PARD3B: variants seen among roughly 807,000 people sequenced by gnomAD.
PARD3B encodes the protein partitioning defective 3 homolog B.
In PARD3B, 103 loss-of-function variants were observed where a neutral mutation model predicts 130.2. The ratio of observed to expected loss-of-function variants is 0.79; its 90% CI spans 0.67 to 0.93. The LOEUF is 0.93. PARD3B is among the 40% of genes least tolerant of loss of function. The pLI is 0.00. For synonymous variants in PARD3B, 583 were observed against 553.2 expected (o/e 1.05, Z -0.76); for missense variants, 1,609 against 1,499.2 (o/e 1.07, Z -1.21).
intron 2 of PARD3B, among the ~76,000 whole-genome samples, chr2:204,900,037 C>G (rs2046801396): frequency 6.6e-6 from 1 of 151,940 alleles, no homozygotes; most frequent in Admixed American, 6.6e-5. Context: ...TTTGGGATCC[C>G]CTCTTTATCC....
Position 205,121,569 on chromosome 2 carries a change from C to T in PARD3B, c.807-22C>T. 6.2e-7 allele frequency: 1 copy of T among 1,600,392 alleles called. No individual in the cohort carries two copies. The highest frequency in any genetic ancestry group is 8.6e-7 in the Non-Finnish European group (1 of 1,169,522). ...TGCACCTCAAAGCAGGGTCATCATACATTTATCAACTTTCTTTCCAGGGCT... is the reference window on the plus strand; with the variant it reads ...TGCACCTCAAAGCAGGGTCATCATATATTTATCAACTTTCTTTCCAGGGCT... On this transcript the variant is annotated intron_variant, in intron 7 of 22. Transcript: ENST00000406610. This position sits in a 1 kb window ranked among gnomAD's most constrained non-coding sequence, Gnocchi z 5.0.
At position 205,195,019 on chromosome 2, in the gene PARD3B, G is replaced by A. The variant is rs997042335; in HGVS notation, c.2140+1699G>A. Among the ~76,000 whole-genome samples the A allele has an allele frequency of 4.2e-5, 6 of 142,610 alleles. No homozygotes were observed. In the South Asian group the frequency reaches 6.5e-4, roughly 16 times the overall value. The allele number at this position is 142,610 out of a possible 152,430, so 93.6% of individuals were successfully genotyped here. A position where few individuals can be genotyped will look rare whatever the true frequency, so the allele number is the denominator to read the frequency against. On this transcript the variant is annotated intron_variant, in intron 15 of 22. Transcript: ENST00000406610. Reference sequence around the variant, plus strand: ...TCTCCATGTTGGCCGGGGTGTTCTCGAACTCCTGACCTCAAGTGATCCACC... The same window carrying A: ...TCTCCATGTTGGCCGGGGTGTTCTCAAACTCCTGACCTCAAGTGATCCACC...
At chr2:205,456,129 T>G (rs931422046) in intron 20 of PARD3B, among the ~76,000 whole-genome samples, 1 of 152,142 alleles carries the variant, frequency 6.6e-6, no homozygotes, top group African/African-American at 2.4e-5. Context: ...AGTTCATTTC[T>G]TCTTACTTCT....
At chr2:205,184,518 G>A (rs1395488694) in intron 13 of PARD3B, among the ~76,000 whole-genome samples, 1 of 152,076 alleles carries the variant, frequency 6.6e-6, no homozygotes, top group Non-Finnish European at 1.5e-5. Flanking sequence ...GGAGATGAGT[G>A]GATCATGAGG....
At chr2:205,088,490 A>T (rs373425717) in intron 4 of PARD3B, among the ~76,000 whole-genome samples, 2 of 152,292 alleles carry the variant, frequency 1.3e-5, no homozygotes, top group East Asian at 3.9e-4. Context: ...AATGGGAAAG[A>T]AAACCAAGCA....
intron 1 of PARD3B, among the ~76,000 whole-genome samples, chr2:204,679,489 C>T (rs2036718840): frequency 6.6e-6 from 1 of 152,128 alleles, no homozygotes; most frequent in African/African-American, 2.4e-5. Flanking sequence ...AATCCTTACC[C>T]TAACCCCAGT....
chr2:204,942,650 C>G (rs964132385), intron 2 of PARD3B, among the ~76,000 whole-genome samples: 3 of 151,400 alleles, frequency 2.0e-5, no homozygotes, highest in African/African-American at 7.3e-5. Context: ...AGTAGTTATA[C>G]AAACACTTTG....
chr2:205,504,314 A>G (rs530890182), intron 21 of PARD3B, among the ~76,000 whole-genome samples: 1 of 152,314 alleles, frequency 6.6e-6, no homozygotes, highest in East Asian at 1.9e-4. Context: ...AGGCAATACC[A>G]TTCAGGACAT....
chr2:204,663,746 T>C (rs2035914725), intron 1 of PARD3B, among the ~76,000 whole-genome samples: 1 of 152,226 alleles, frequency 6.6e-6, no homozygotes, highest in African/African-American at 2.4e-5. Flanking sequence ...GTTTTGTAGA[T>C]AGCAGCTACC....
In PARD3B at chr2:205,532,941, A is replaced by G. The variant is rs141769895; in HGVS notation, c.3181-20383A>G. ...ATAAGATATTAAAGTGTGCTGCTGAATATGATAATTGCTGCATATTTAGCA... is the reference window on the plus strand; with the variant it reads ...ATAAGATATTAAAGTGTGCTGCTGAGTATGATAATTGCTGCATATTTAGCA... On this transcript the variant is annotated intron_variant, in intron 21 of 22. Coordinates refer to ENST00000406610, the MANE Select transcript of PARD3B (RefSeq NM_001302769.2). Among the ~76,000 whole-genome samples the G allele has an allele frequency of 2.7e-3, 411 of 152,332 alleles. 1 individual carries two copies. Among genetic ancestry groups the G allele is most frequent in the East Asian group, 5.8e-3 (30 of 5,182 alleles).
intron 19 of PARD3B, among the ~76,000 whole-genome samples, chr2:205,418,809 C>T (rs969913222): frequency 6.6e-6 from 1 of 152,068 alleles, no homozygotes; most frequent in Non-Finnish European, 1.5e-5. Flanking sequence ...TAGTTTCTTT[C>T]TCTAAAGCTG....
At chr2:204,963,348 T>C (rs1690920502) in intron 2 of PARD3B, among the ~76,000 whole-genome samples, 1 of 152,182 alleles carries the variant, frequency 6.6e-6, no homozygotes, top group Non-Finnish European at 1.5e-5. Flanking sequence ...ATACTTCTAG[T>C]TGATGTTCTA....
At chr2:204,647,956 ATAT>A (rs1204724529) in intron 1 of PARD3B, among the ~76,000 whole-genome samples, 1 of 151,538 alleles carries the variant, frequency 6.6e-6, no homozygotes, top group Non-Finnish European at 1.5e-5. Flanking sequence ...TATATTATGA[ATAT>A]TATAAATATT....
chr2:204,692,990 A>G (rs780801719), intron 2 of PARD3B, among the ~76,000 whole-genome samples: 22 of 152,144 alleles, frequency 1.4e-4, no homozygotes, highest in Middle Eastern at 6.8e-3. Context: ...TAGGATGCTG[A>G]TAACATCTCA....
chr2:205,127,456 G>A (rs958165591), intron 10 of PARD3B, among the ~76,000 whole-genome samples: 5 of 152,182 alleles, frequency 3.3e-5, no homozygotes, highest in African/African-American at 1.2e-4. Flanking sequence ...GGTTCCCAGA[G>A]TTAGGTTATT....
At chr2:204,821,909 C>T (rs750700272) in intron 2 of PARD3B, among the ~76,000 whole-genome samples, 4 of 151,846 alleles carry the variant, frequency 2.6e-5, no homozygotes, top group East Asian at 1.9e-4. Flanking sequence ...TTATCAGCAG[C>T]GTGAAAACAA....
intron 22 of PARD3B, among the ~76,000 whole-genome samples, chr2:205,561,587 G>A (rs941228481): frequency 2.0e-5 from 3 of 152,286 alleles, no homozygotes; most frequent in East Asian, 3.9e-4. Flanking sequence ...TCATGCCGGC[G>A]GTTGGAATGT....
intron 2 of PARD3B, among the ~76,000 whole-genome samples, chr2:204,827,288 G>A (rs1329983755): frequency 6.7e-6 from 1 of 150,280 alleles, no homozygotes; most frequent in Non-Finnish European, 1.5e-5. Flanking sequence ...AATCAGTATA[G>A]TGATAGAAAT....
chr2:205,614,699 C>T (rs2055356789), intron 22 of PARD3B, among the ~76,000 whole-genome samples: 1 of 150,700 alleles, frequency 6.6e-6, no homozygotes, highest in Non-Finnish European at 1.5e-5. Context: ...GAATGAGACT[C>T]CCTCTCAAAA....
Sources: gnomAD v4.1 joint callset for allele counts (sites outside exome capture counted in the v4.1 genomes callset) on GRCh38, gnomAD v4.1.1 for gene constraint, Gnocchi (gnomAD v3.1) non-coding constraint, MANE v1.5 for transcripts, NCBI Gene and HGNC (gene_info 2026-07-23, HGNC 2026-07-21) for gene names.